ADAM29: variants seen among roughly 807,000 people sequenced by gnomAD.
ADAM29 encodes disintegrin and metalloproteinase domain-containing protein 29.
For missense variants in ADAM29, 969 were observed against 1,001.8 expected (o/e 0.97, Z 0.44); for synonymous variants, 367 against 342.3 (o/e 1.07, Z -0.80).
chr4:174,976,269 G>A lies in ADAM29; in HGVS notation c.744G>A (p.Leu248=). 6.2e-7 allele frequency: 1 copy of A among 1,610,140 alleles called. No homozygotes were observed. The highest frequency in any genetic ancestry group is 8.5e-7 in the Non-Finnish European group (1 of 1,178,756). Residue 248 remains leucine (L), a synonymous_variant, in exon 5 of 5, where the codon TTG becomes TTA. Coordinates refer to ENST00000359240, the MANE Select transcript of ADAM29 (RefSeq NM_014269.4). ...VIGVKVLLFG[L]EIWTNKNLIV... ...GTGTTAAGGTGTTATTATTTGGTTT[G>A]GAGATCTGGACCAATAAAAACCTCA...
chr4:174,941,093 G>GTA (rs975818454), intron 4 of ADAM29, among the ~76,000 whole-genome samples: 44 of 152,210 alleles, frequency 2.9e-4, no homozygotes, highest in Middle Eastern at 6.8e-3. Context: ...ATTTCCATTT[G>GTA]TACAAATAAG....
rs1282867148 is a variant in ADAM29 at position 174,976,260 on chromosome 4, A to G, written c.735A>G (p.Leu245=). 8 of 1,609,362 alleles carry G rather than the reference A, an allele frequency of 5.0e-6. No homozygotes were observed. Among genetic ancestry groups the G allele is most frequent in the Non-Finnish European group, 6.8e-6 (8 of 1,178,482 alleles). The stretch of plus-strand genomic sequence containing the variant: ...ATGTCATTGGTGTTAAGGTGTTATT[A>G]TTTGGTTTGGAGATCTGGACCAATA... ...ILDVIGVKVL[L]FGLEIWTNKN... is the part of the protein sequence containing the mutation. Residue 245 remains leucine (L), a synonymous_variant, in exon 5 of 5, where the codon TTA becomes TTG. Transcript: ENST00000359240.
intron 2 of ADAM29, among the ~76,000 whole-genome samples, chr4:174,925,485 T>C (rs73001874): frequency 1.8e-4 from 28 of 152,280 alleles, no homozygotes; most frequent in African/African-American, 6.7e-4. Context: ...CTAAGACATA[T>C]AGGAGTAATT....
Position 174,977,625 on chromosome 4 carries a change from A to C in ADAM29, c.2100A>C (p.Lys700Asn). ...GTTGTCTTTATCGACTTTGTAAAAA[A>C]AGTAAACCAATAAAAAAGCAGCAAG... ...LLCCLYRLCKKSKPIKKQQDV... is the reference protein window; with the variant it reads ...LLCCLYRLCKNSKPIKKQQDV... The change falls in exon 5 of 5, where the codon AAA becomes AAC. Residue 700 changes from lysine (K) to asparagine (N), a missense_variant. Lys to Asn is a moderately conservative substitution (Grantham distance 94). Coordinates refer to ENST00000359240, the MANE Select transcript of ADAM29 (RefSeq NM_014269.4). 6.2e-7 allele frequency: 1 copy of C among 1,614,034 alleles called. No individual in the cohort carries two copies. Among genetic ancestry groups the C allele is most frequent in the East Asian group, 2.2e-5 (1 of 44,884 alleles).
Position 174,976,217 on chromosome 4 carries a change from T to G in ADAM29, c.692T>G (p.Ile231Arg). ...GAGGATCTATATGTTATTGTTAATA[T>G]AGTGGATTCCATTTTGGATGTCATT... The part of the protein sequence containing the change: ...LLEDLYVIVN[I>R]VDSILDVIGV... Residue 231 changes from isoleucine to arginine, a missense_variant, in exon 5 of 5, where the codon ATA becomes AGA. Coordinates refer to ENST00000359240, the MANE Select transcript of ADAM29 (RefSeq NM_014269.4). The G allele has an allele frequency of 6.2e-7, 1 of 1,605,798 alleles. No homozygotes were observed. The highest frequency in any genetic ancestry group is 8.5e-7 in the Non-Finnish European group (1 of 1,177,324).
At position 174,932,966 on chromosome 4, in the gene ADAM29, C is replaced by T. The variant is rs185830596; in HGVS notation, c.-262+1792C>T. Reference sequence around the variant, plus strand: ...TAGGGCCAGGAACATGGATTTGGAACGTCCTCACAGATAGGTCCCATGTGA... The same window carrying T: ...TAGGGCCAGGAACATGGATTTGGAATGTCCTCACAGATAGGTCCCATGTGA... On this transcript the variant is annotated intron_variant, in intron 3 of 4. Transcript: ENST00000359240. Among the ~76,000 whole-genome samples the T allele has an allele frequency of 3.8e-3, 572 of 152,274 alleles. 3 individuals are homozygous for T. Among genetic ancestry groups the T allele is most frequent in the African/African-American group, 0.013 (549 of 41,560 alleles).
chr4:174,942,009 C>T (rs987108355), intron 4 of ADAM29, among the ~76,000 whole-genome samples: 1 of 152,116 alleles, frequency 6.6e-6, no homozygotes, highest in Non-Finnish European at 1.5e-5. Flanking sequence ...ATTCCAAAAC[C>T]CATAAGGGCA....
chr4:174,957,503 T>G (rs936811270), intron 4 of ADAM29, among the ~76,000 whole-genome samples: 2 of 151,802 alleles, frequency 1.3e-5, no homozygotes, highest in African/African-American at 4.8e-5. Flanking sequence ...GACAAACTGT[T>G]TATAACTTAG....
intron 2 of ADAM29, among the ~76,000 whole-genome samples, chr4:174,929,431 G>A (rs1389875696): frequency 6.6e-6 from 1 of 152,076 alleles, no homozygotes; most frequent in East Asian, 1.9e-4. Context: ...ACACAGCTAC[G>A]AAAATTTAGG....
intron 4 of ADAM29, among the ~76,000 whole-genome samples, chr4:174,973,168 C>T (rs534617761): frequency 1.3e-5 from 2 of 152,280 alleles, no homozygotes; most frequent in South Asian, 4.1e-4. Flanking sequence ...ATGAAACCAC[C>T]ATCTCCATCC....
At chr4:174,972,734 G>A (rs765332044) in intron 4 of ADAM29, among the ~76,000 whole-genome samples, 18 of 152,118 alleles carry the variant, frequency 1.2e-4, no homozygotes, top group Non-Finnish European at 2.4e-4. Flanking sequence ...ACTGTGATAG[G>A]CCTCTCAGAG....
intron 4 of ADAM29, among the ~76,000 whole-genome samples, chr4:174,959,393 T>G (rs556431801): frequency 2.4e-3 from 362 of 151,890 alleles, no homozygotes; most frequent in Non-Finnish European, 3.8e-3. Context: ...AGACCTTTTT[T>G]TTTGTTTGTT....
chr4:174,977,522 C>T lies in ADAM29; in HGVS notation c.1997C>T (p.Pro666Leu). 2 of 1,614,160 alleles carry T rather than the reference C, an allele frequency of 1.2e-6. No homozygotes were observed. The highest frequency in any genetic ancestry group is 2.2e-5 in the South Asian group (2 of 91,078). Residue 666 changes from proline (P) to leucine (L), a missense_variant, in exon 5 of 5, where the codon CCA becomes CTA. Transcript: ENST00000359240. ...TATGGAGGTAGTGTTGACAGTGGCCCACCCCCTAAGAGAAAGAAGAAAAAG... is the reference window on the plus strand; with the variant it reads ...TATGGAGGTAGTGTTGACAGTGGCCTACCCCCTAAGAGAAAGAAGAAAAAG... ...KGYGGSVDSGPPPKRKKKKKF... is the reference protein window; with the variant it reads ...KGYGGSVDSGLPPKRKKKKKF...
chr4:174,962,206 A>G (rs912446679), intron 4 of ADAM29, among the ~76,000 whole-genome samples: 4 of 152,168 alleles, frequency 2.6e-5, no homozygotes, highest in Non-Finnish European at 5.9e-5. Context: ...TATAGCTATC[A>G]TGTTAAAAAG....
chr4:174,972,813 C>T (rs758451510), intron 4 of ADAM29, among the ~76,000 whole-genome samples: 2 of 152,088 alleles, frequency 1.3e-5, no homozygotes, highest in Non-Finnish European at 2.9e-5. Context: ...TTGGATGCAC[C>T]AGTCAAGTCT....
At chr4:174,975,003 A>C (rs1003772605) in intron 4 of ADAM29, among the ~76,000 whole-genome samples, 24 of 152,214 alleles carry the variant, frequency 1.6e-4, no homozygotes, top group African/African-American at 5.3e-4. Flanking sequence ...GAAATTGAAG[A>C]TATAAGTTCA....
In ADAM29 at chr4:174,934,158, T is replaced by C. The variant is rs186182656; in HGVS notation, c.-261-2775T>C. On this transcript the variant is annotated intron_variant, in intron 3 of 4. Transcript: ENST00000359240. ...TTTTTTGACTTTTTAATAATAGCCA[T>C]TCTGACTGGTGTGAGATGGTATCTC... 2.5e-3 allele frequency among the ~76,000 whole-genome samples: 381 copies of C among 152,286 alleles called. 5 individuals carry two copies. The highest frequency in any genetic ancestry group is 0.022 in the Admixed American group (333 of 15,278).
chr4:174,964,244 G>C (rs1408485349), intron 4 of ADAM29, among the ~76,000 whole-genome samples: 1 of 151,784 alleles, frequency 6.6e-6, no homozygotes, highest in African/African-American at 2.4e-5. Context: ...CTTATAAGAA[G>C]AGAAAATTAG....
chr4:174,962,794 C>T (rs993877636), intron 4 of ADAM29, among the ~76,000 whole-genome samples: 6 of 151,864 alleles, frequency 4.0e-5, no homozygotes, highest in African/African-American at 1.2e-4. Context: ...GAAAAAAAAA[C>T]TTTGAATTAC....
Sources: gnomAD v4.1 joint callset for allele counts (sites outside exome capture counted in the v4.1 genomes callset) on GRCh38, gnomAD v4.1.1 for gene constraint, MANE v1.5 for transcripts, NCBI Gene and HGNC (gene_info 2026-07-23, HGNC 2026-07-21) for gene names.